Variants in ERBB4 observed in about 807,000 individuals in gnomAD.
ERBB4 encodes receptor tyrosine-protein kinase erbB-4.
In ERBB4, 42 loss-of-function variants were observed where a neutral mutation model predicts 158.0. The ratio of observed to expected loss-of-function variants is 0.27; its 90% CI spans 0.21 to 0.34. The LOEUF (loss-of-function observed/expected upper bound fraction) is 0.34, where lower values mean the gene tolerates loss of function less well. Ranked by LOEUF, ERBB4 falls within the 10% of genes least tolerant of loss-of-function variation. The pLI is 1.00. For synonymous variants in ERBB4, 583 were observed against 558.7 expected (o/e 1.04, Z -0.61); for missense variants, 1,333 against 1,624.1 (o/e 0.82, Z 3.08).
At chr2:211,500,076 G>A (rs1190229974) in intron 20 of ERBB4, among the ~76,000 whole-genome samples, 1 of 152,098 alleles carries the variant, frequency 6.6e-6, no homozygotes, top group Non-Finnish European at 1.5e-5. Context: ...TGTGAAGTGA[G>A]ACTGATGGAG....
At chr2:211,578,882 A>T (rs1371500950) in intron 19 of ERBB4, among the ~76,000 whole-genome samples, 1 of 152,228 alleles carries the variant, frequency 6.6e-6, no homozygotes, top group Non-Finnish European at 1.5e-5. Flanking sequence ...ACCATTCAGG[A>T]CATAGGCGTG....
intron 19 of ERBB4, among the ~76,000 whole-genome samples, chr2:211,600,258 C>T (rs968933539): frequency 3.9e-5 from 6 of 152,170 alleles, no homozygotes; most frequent in African/African-American, 1.4e-4. Flanking sequence ...CATGCATTTT[C>T]TCTGCTCCTT....
At chr2:211,905,735 CAT>C (rs1491185644) in intron 3 of ERBB4, among the ~76,000 whole-genome samples, 2 of 55,996 alleles carry the variant, frequency 3.6e-5, no homozygotes, top group Non-Finnish European at 7.1e-5. Context: ...TATGTGTGTG[CAT>C]GTGTGTGTAT....
At chr2:212,443,631 G>A (rs2092296789) in intron 1 of ERBB4, among the ~76,000 whole-genome samples, 1 of 152,200 alleles carries the variant, frequency 6.6e-6, no homozygotes, top group Admixed American at 6.5e-5. Flanking sequence ...CAGAACAGGA[G>A]AAGGCTCTGC....
At chr2:211,941,734 T>TTTTG (rs1553517427) in intron 3 of ERBB4, among the ~76,000 whole-genome samples, 8 of 150,864 alleles carry the variant, frequency 5.3e-5, no homozygotes, top group African/African-American at 2.0e-4. Context: ...TTTTTTTTTT[T>TTTTG]GTCTAAACAG....
chr2:212,488,206 G>A (rs1055146530), intron 1 of ERBB4, among the ~76,000 whole-genome samples: 8 of 151,896 alleles, frequency 5.3e-5, no homozygotes, highest in Non-Finnish European at 8.8e-5. Flanking sequence ...TTATCCCTTT[G>A]AATGTGTGAC....
At position 212,345,265 on chromosome 2, in the gene ERBB4, C is replaced by CAAAAAAAAAAAAAAAAAAAAAA. The variant is rs367985477; in HGVS notation, c.82+193183_82+193184insTTTTTTTTTTTTTTTTTTTTTT. Among the ~76,000 whole-genome samples the CAAAAAAAAAAAAAAAAAAAAAA allele has an allele frequency of 3.7e-3, 291 of 77,662 alleles. 41 individuals carry two copies. The highest frequency in any genetic ancestry group is 0.014 in the Middle Eastern group (2 of 140). 50.9% of individuals were successfully genotyped at this position (77,662 alleles called of 152,430 possible). ...TGGGGGACAGAGCAAGACTCCGTCTCAAAAAAAAAAAAGCACTAAACACAT... is the reference window on the plus strand; with the variant it reads ...TGGGGGACAGAGCAAGACTCCGTCTCAAAAAAAAAAAAAAAAAAAAAAAAAAAAAAAAAAGCACTAAACACAT... On this transcript the variant is annotated intron_variant, in intron 1 of 27. Coordinates refer to ENST00000342788, the MANE Select transcript of ERBB4 (RefSeq NM_005235.3).
At chr2:212,326,406 G>C (rs911314129) in intron 1 of ERBB4, among the ~76,000 whole-genome samples, 2 of 150,380 alleles carry the variant, frequency 1.3e-5, no homozygotes, top group Non-Finnish European at 3.0e-5. Context: ...TTAAATAAAT[G>C]CTCATTTAAA....
intron 3 of ERBB4, among the ~76,000 whole-genome samples, chr2:211,848,413 C>T (rs1333405300): frequency 1.3e-5 from 2 of 152,064 alleles, no homozygotes; most frequent in African/African-American, 4.8e-5. Context: ...GGCCTGTCTT[C>T]TAGTCTAGCC....
rs1440225072 is a variant in ERBB4, at chr2:212,342,716, T to G, written c.82+195733A>C. The stretch of plus-strand genomic sequence containing the variant: ...TCCCAAATATTATCATAACAAGCAT[T>G]ATACTCCATTTTTTACAACTTTACT... On this transcript the variant is annotated intron_variant, in intron 1 of 27. Coordinates refer to ENST00000342788, the MANE Select transcript of ERBB4 (RefSeq NM_005235.3). Among the ~76,000 whole-genome samples the G allele has an allele frequency of 2.0e-5, 3 of 152,330 alleles. No homozygotes were observed. In the South Asian group the frequency reaches 6.2e-4, roughly 32 times the overall value.
chr2:212,211,074 T>C (rs909738657), intron 1 of ERBB4, among the ~76,000 whole-genome samples: 2 of 152,120 alleles, frequency 1.3e-5, no homozygotes, highest in Non-Finnish European at 2.9e-5. Flanking sequence ...TTGGTTTTTC[T>C]CTTAGTCCCC....
At chr2:212,090,684 T>C (rs1323786075) in intron 2 of ERBB4, among the ~76,000 whole-genome samples, 2 of 152,136 alleles carry the variant, frequency 1.3e-5, no homozygotes, top group Non-Finnish European at 2.9e-5. Flanking sequence ...AGGCCATACT[T>C]CCAGATTCCA....
chr2:212,019,983 T>A (rs1167624562), intron 2 of ERBB4, among the ~76,000 whole-genome samples: 3 of 152,012 alleles, frequency 2.0e-5, no homozygotes, highest in Admixed American at 2.0e-4. Flanking sequence ...TTTATAATTA[T>A]AAGAAAAAAC....
chr2:212,272,860 T>C (rs1372554760), intron 1 of ERBB4, among the ~76,000 whole-genome samples: 3 of 151,698 alleles, frequency 2.0e-5, no homozygotes, highest in Non-Finnish European at 4.4e-5. Context: ...TTATATTGAA[T>C]ATATTACGTA....
intron 3 of ERBB4, among the ~76,000 whole-genome samples, chr2:211,811,464 A>T (rs559918355): frequency 6.7e-6 from 1 of 148,200 alleles, no homozygotes; most frequent in African/African-American, 2.5e-5. Context: ...TTTCATTTCA[A>T]CCTTGGTGAA....
At chr2:212,192,244 T>A (rs2082296227) in intron 1 of ERBB4, among the ~76,000 whole-genome samples, 2 of 149,754 alleles carry the variant, frequency 1.3e-5, no homozygotes, top group South Asian at 4.2e-4. Context: ...AATTTCTAAA[T>A]GCTAATTTCC....
intron 20 of ERBB4, among the ~76,000 whole-genome samples, chr2:211,438,230 A>G (rs962478829): frequency 6.6e-6 from 1 of 152,232 alleles, no homozygotes; most frequent in Non-Finnish European, 1.5e-5. Flanking sequence ...TTTTTATTCC[A>G]TGATAGATGA....
At chr2:211,609,623 G>C (rs1488914712) in intron 19 of ERBB4, among the ~76,000 whole-genome samples, 2 of 152,112 alleles carry the variant, frequency 1.3e-5, no homozygotes, top group Non-Finnish European at 2.9e-5. Flanking sequence ...GCTCATTTCA[G>C]CCTTGAACTG....
chr2:211,575,395 A>G (rs966693031), intron 19 of ERBB4, among the ~76,000 whole-genome samples: 3 of 152,220 alleles, frequency 2.0e-5, no homozygotes, highest in South Asian at 2.1e-4. Flanking sequence ...AACTAAGACT[A>G]CTCATGTCTT....
Sources: gnomAD v4.1 joint callset for allele counts (sites outside exome capture counted in the v4.1 genomes callset) on GRCh38, gnomAD v4.1.1 for gene constraint, MANE v1.5 for transcripts, NCBI Gene and HGNC (gene_info 2026-07-23, HGNC 2026-07-21) for gene names.